PAX3: variants seen among roughly 807,000 people sequenced by gnomAD.
PAX3 encodes the protein paired box protein Pax-3.
A neutral mutation model predicts 51.6 loss-of-function variants in PAX3; 14 were observed. The ratio of observed to expected loss-of-function variants is 0.27; its 90% CI spans 0.18 to 0.42. The LOEUF (loss-of-function observed/expected upper bound fraction) is 0.42. Ranked by LOEUF, PAX3 falls within the 10% of genes least tolerant of loss-of-function variation. PAX3 has a pLI of 1.00. For missense variants in PAX3, 540 were observed against 642.8 expected (o/e 0.84, Z 1.73); for synonymous variants, 280 against 253.4 (o/e 1.11, Z -1.00).
chr2:222,229,474 T>G lies in PAX3; in HGVS notation c.792+2604A>C, dbSNP rs754234654. On this transcript the variant is annotated intron_variant, in intron 5 of 8. Transcript: ENST00000392070. ...CTTGGTCTATCTACAACTCTTCCTT[T>G]CACTCACCTTCCTCCCCACTTCTAG... Among the ~76,000 whole-genome samples, 122 of 152,090 alleles carry G rather than the reference T, an allele frequency of 8.0e-4. 1 individual carries two copies. Among genetic ancestry groups the G allele is most frequent in the South Asian group, 2.3e-3 (11 of 4,818 alleles).
intron 4 of PAX3, among the ~76,000 whole-genome samples, chr2:222,242,213 G>C (rs181310748): frequency 6.6e-6 from 1 of 151,986 alleles, no homozygotes; most frequent in Non-Finnish European, 1.5e-5. Context: ...AGTGTGTTTC[G>C]TCCATTGAAC....
At chr2:222,256,514 C>T (rs959444530) in intron 4 of PAX3, among the ~76,000 whole-genome samples, 4 of 152,022 alleles carry the variant, frequency 2.6e-5, no homozygotes, top group African/African-American at 9.7e-5. Context: ...GGCACAAAGA[C>T]CCCCTAACCT....
chr2:222,284,123 G>A (rs1399474177), intron 4 of PAX3, among the ~76,000 whole-genome samples: 1 of 152,154 alleles, frequency 6.6e-6, no homozygotes, highest in Non-Finnish European at 1.5e-5. Flanking sequence ...TTAAAGGAGA[G>A]GGAATTAAGA....
At chr2:222,248,856 T>C (rs1023173679) in intron 4 of PAX3, among the ~76,000 whole-genome samples, 5 of 152,144 alleles carry the variant, frequency 3.3e-5, no homozygotes, top group Non-Finnish European at 7.4e-5. Context: ...ACTGTCACAA[T>C]GCTACAAAAA....
At chr2:222,222,490 G>C (rs568599380) in intron 5 of PAX3, among the ~76,000 whole-genome samples, 1 of 149,682 alleles carries the variant, frequency 6.7e-6, no homozygotes, top group Admixed American at 6.7e-5. Flanking sequence ...CCCAACCTCC[G>C]CCTCCCAGGT....
intron 2 of PAX3, among the ~76,000 whole-genome samples, chr2:222,296,679 C>T (rs1230967376): frequency 6.6e-6 from 1 of 152,154 alleles, no homozygotes; most frequent in Non-Finnish European, 1.5e-5. Flanking sequence ...TAGAGCTTGC[C>T]TGCTTTAGGT....
At chr2:222,215,312 A>G (rs1482971460) in intron 7 of PAX3, among the ~76,000 whole-genome samples, 1 of 152,192 alleles carries the variant, frequency 6.6e-6, no homozygotes, top group East Asian at 1.9e-4. Flanking sequence ...AACCCAAAAC[A>G]TTTGAAGAAT....
In PAX3 at chr2:222,298,938, G is replaced by A. The variant is rs1320501701; in HGVS notation, c.-323C>T. On this transcript the variant is annotated 5_prime_UTR_variant, in exon 1 of 9. Transcript: ENST00000392070. ...GGCTCAGAGAGCCACGGCGAGCCGG[G>A]GAGCCTGGTGAGGCTGGAGCGCGGC... The A allele has an allele frequency of 2.1e-6, 1 of 483,892 alleles. No homozygotes were observed. The highest frequency in any genetic ancestry group is 3.8e-6 in the Non-Finnish European group (1 of 265,812). 30.0% of individuals were successfully genotyped at this position (483,892 alleles called of 1,614,324 possible).
At position 222,201,036 on chromosome 2, in the gene PAX3, C is replaced by T; in HGVS notation, c.*372G>A. On this transcript the variant is annotated 3_prime_UTR_variant, in exon 9 of 9. Transcript: ENST00000392070. ...AAACCAGTCTGGGTAAATCTCAATA[C>T]ACACACACACACACACACGCACGCA... is the stretch of plus-strand genomic sequence containing the variant. The T allele has an allele frequency of 1.6e-5, 5 of 320,636 alleles. No homozygotes were observed. The highest frequency in any genetic ancestry group is 2.7e-5 in the Non-Finnish European group (5 of 184,910). The allele number at this position is 320,636 out of a possible 1,614,324, so 19.9% of individuals were successfully genotyped here.
chr2:222,255,703 T>C (rs950527839), intron 4 of PAX3, among the ~76,000 whole-genome samples: 1 of 152,040 alleles, frequency 6.6e-6, no homozygotes, highest in Non-Finnish European at 1.5e-5. Flanking sequence ...CCGTGATCTG[T>C]CATATTTAGC....
intron 5 of PAX3, among the ~76,000 whole-genome samples, chr2:222,225,041 A>T (rs1692333342): frequency 6.6e-6 from 1 of 152,132 alleles, no homozygotes. Flanking sequence ...CTATCCCCAC[A>T]CAAGATTACC....
chr2:222,221,270 T>C lies in PAX3; in HGVS notation c.910A>G (p.Thr304Ala). Residue 304 changes from threonine to alanine, a missense_variant, in exon 6 of 9, where the codon ACG becomes GCG. Physicochemically the swap from Thr to Ala is moderately conservative, Grantham distance 58. This residue lies in a region of PAX3 where 427 missense variants were observed against 483.6 expected (regional missense o/e 0.88). Transcript: ENST00000392070. The stretch of plus-strand genomic sequence containing the variant: ...TAAGAGGTCTCCGACAGCTGGTACG[T>C]TGGCAAGGTCGGCATGGCAGTGGGA... ...FPPTAMPTLP[T>A]YQLSETSYQP... 1 of 1,614,036 alleles carries C rather than the reference T, an allele frequency of 6.2e-7. No individual in the cohort carries two copies. The highest frequency in any genetic ancestry group is 8.5e-7 in the Non-Finnish European group (1 of 1,179,950).
At chr2:222,253,955 CT>C (rs535423587) in intron 4 of PAX3, among the ~76,000 whole-genome samples, 52 of 151,972 alleles carry the variant, frequency 3.4e-4, no homozygotes, top group Non-Finnish European at 4.4e-4. Flanking sequence ...CACACCTGGC[CT>C]TTTTTTTCTC....
intron 4 of PAX3, among the ~76,000 whole-genome samples, chr2:222,254,100 A>G (rs1043433762): frequency 1.3e-5 from 2 of 148,688 alleles, no homozygotes; most frequent in African/African-American, 4.9e-5. Context: ...GCAAATGACA[A>G]GTTTTTTTTT....
rs3832105 is a variant in PAX3, at chr2:222,201,298, A to AC, written c.*109dup. The AC allele has an allele frequency of 0.088, 139,840 of 1,595,896 alleles. 11,430 individuals carry two copies. The highest frequency in any genetic ancestry group is 0.56 in the East Asian group (22,587 of 40,316). ...TGTCTCCTATTGGGACCACTGCCCC[A>AC]CCCCCCCCAACAAAAGGGTAATTTT... On this transcript the variant is annotated 3_prime_UTR_variant, in exon 9 of 9. Transcript: ENST00000392070.
chr2:222,293,921 G>T, intron 4 of PAX3: 1 of 1,438,486 alleles, frequency 7.0e-7, no homozygotes, highest in Non-Finnish European at 9.1e-7. Flanking sequence ...AGAATCCCAG[G>T]GGCTGAAAGT....
intron 4 of PAX3, among the ~76,000 whole-genome samples, chr2:222,279,139 C>T (rs566605660): frequency 5.3e-5 from 8 of 152,212 alleles, no homozygotes; most frequent in South Asian, 2.1e-4. Context: ...TTAGTAGAGA[C>T]GGGGCGGTTT....
At chr2:222,229,099 AG>A (rs1692488290) in intron 5 of PAX3, among the ~76,000 whole-genome samples, 1 of 151,982 alleles carries the variant, frequency 6.6e-6, no homozygotes, top group Non-Finnish European at 1.5e-5. Context: ...CTATAATAAA[AG>A]CAAAGTAGAT....
chr2:222,210,814 C>T (rs1691696213), intron 7 of PAX3, among the ~76,000 whole-genome samples: 1 of 152,134 alleles, frequency 6.6e-6, no homozygotes, highest in Non-Finnish European at 1.5e-5. Flanking sequence ...CACTCAGTTT[C>T]CGTGTTTGCT....
Sources: gnomAD v4.1 joint callset for allele counts (sites outside exome capture counted in the v4.1 genomes callset) on GRCh38, gnomAD v4.1.1 for gene constraint, gnomAD v4.1.1 regional missense constraint, MANE v1.5 for transcripts, NCBI Gene and HGNC (gene_info 2026-07-23, HGNC 2026-07-21) for gene names.